CCDC171: variants seen among roughly 807,000 people sequenced by gnomAD.
CCDC171 encodes coiled-coil domain-containing protein 171.
CCDC171 carries 177 observed loss-of-function variants against 168.2 expected under a neutral mutation model. The ratio of observed to expected loss-of-function variants is 1.05; its 90% confidence interval spans 0.93 to 1.19. The LOEUF (loss-of-function observed/expected upper bound fraction) is 1.19, where lower values mean the gene tolerates loss of function less well. Among genes scored for constraint, CCDC171 ranks in the 50% most tolerant of loss-of-function variants. CCDC171 has a pLI of 0.00. For synonymous variants in CCDC171, 687 were observed against 540.8 expected, an observed-to-expected ratio of 1.27 and a Z score of -3.75; for missense variants, 1,991 against 1,539.0, an observed-to-expected ratio of 1.29 and a Z score of -4.91.
At chr9:15,648,760 A>G (rs574486007) in intron 7 of CCDC171, among the ~76,000 whole-genome samples, 2 of 152,302 alleles carry the variant, frequency 1.3e-5, no homozygotes, top group South Asian at 2.1e-4. Flanking sequence ...ATACAAACAA[A>G]TGGAAGAACC....
chr9:16,055,189 G>A (rs1343218090), intron 1 of CCDC171, among the ~76,000 whole-genome samples: 3 of 152,222 alleles, frequency 2.0e-5, no homozygotes, highest in African/African-American at 7.2e-5. Context: ...AACTGTAGTA[G>A]GGGCAGAGAT....
In CCDC171 at chr9:15,814,837, A is replaced by C. The variant is rs73644948; in HGVS notation, c.3267+30143A>C. On this transcript the variant is annotated intron_variant, in intron 21 of 25. Transcript: ENST00000380701. ...CATATTTGAGCCTCTACTATGTAAA[A>C]AGTGTAGTACTTGTCTTCATGAATA... Among the ~76,000 whole-genome samples the C allele has an allele frequency of 9.7e-3, 1,472 of 152,266 alleles. 22 individuals are homozygous for C. Among genetic ancestry groups the C allele is most frequent in the African/African-American group, 0.033 (1,367 of 41,554 alleles).
intron 6 of CCDC171, among the ~76,000 whole-genome samples, chr9:15,596,779 A>T (rs995716257): frequency 6.6e-6 from 1 of 152,098 alleles, no homozygotes; most frequent in Non-Finnish European, 1.5e-5. Flanking sequence ...ACCCATGAGC[A>T]TGGAATGTTC....
At chr9:15,887,152 T>C (rs968052560) in intron 24 of CCDC171, among the ~76,000 whole-genome samples, 1 of 152,148 alleles carries the variant, frequency 6.6e-6, no homozygotes, top group African/African-American at 2.4e-5. Flanking sequence ...TGTGAGGTGA[T>C]AGATATGTTA....
chr9:15,590,511 T>C (rs898460736), intron 4 of CCDC171, among the ~76,000 whole-genome samples: 1 of 152,120 alleles, frequency 6.6e-6, no homozygotes. Context: ...GCAGCAGTGT[T>C]AGTGTGTTGA....
rs1252476265 is a variant in CCDC171, at chr9:15,916,343, A to T, written c.3601-3927A>T. The stretch of plus-strand genomic sequence containing the variant: ...TTATAAGGTATGAATTTTTATCCTG[A>T]TTTTGTGAGAATGTATTACATTTCA... On this transcript the variant is annotated intron_variant, in intron 24 of 25. Coordinates refer to ENST00000380701, the MANE Select transcript of CCDC171 (RefSeq NM_173550.4). Among the ~76,000 whole-genome samples, 6 of 152,022 alleles carry T rather than the reference A, an allele frequency of 3.9e-5. No homozygotes were observed. In the East Asian group the frequency reaches 1.2e-3, roughly 29 times the overall value.
intron 24 of CCDC171, among the ~76,000 whole-genome samples, chr9:15,893,723 C>A (rs946397655): frequency 2.6e-5 from 4 of 152,144 alleles, no homozygotes; most frequent in Non-Finnish European, 5.9e-5. Context: ...ACTAAAACCA[C>A]AATGAGATGC....
chr9:15,815,194 C>T (rs904173148), intron 21 of CCDC171, among the ~76,000 whole-genome samples: 8 of 152,134 alleles, frequency 5.3e-5, no homozygotes, highest in Non-Finnish European at 8.8e-5. Flanking sequence ...AGCAGCCTCA[C>T]AGGGGTCTCA....
At chr9:15,763,607 G>A (rs1419453086) in intron 18 of CCDC171, among the ~76,000 whole-genome samples, 1 of 152,174 alleles carries the variant, frequency 6.6e-6, no homozygotes, top group African/African-American at 2.4e-5. Context: ...TATCTCCCAG[G>A]AGCTGGGAAA....
chr9:15,845,397 C>T (rs1338841810), intron 21 of CCDC171, among the ~76,000 whole-genome samples: 3 of 151,848 alleles, frequency 2.0e-5, no homozygotes, highest in East Asian at 1.9e-4. Context: ...GACGGTAACT[C>T]GACTATTTGA....
chr9:15,913,824 T>C (rs1824073475), intron 24 of CCDC171, among the ~76,000 whole-genome samples: 1 of 152,216 alleles, frequency 6.6e-6, no homozygotes. Flanking sequence ...GATGGAGTTT[T>C]TGCATGCTTG....
chr9:16,025,910 C>T (rs76283715), intron 6 of CCDC171, among the ~76,000 whole-genome samples: 91 of 152,178 alleles, frequency 6.0e-4, no homozygotes, highest in African/African-American at 1.8e-3. Flanking sequence ...CCACTAATTG[C>T]GCATGCTGAA....
chr9:15,925,198 C>T (rs76135779), intron 25 of CCDC171, among the ~76,000 whole-genome samples: 82 of 151,444 alleles, frequency 5.4e-4, no homozygotes, highest in Non-Finnish European at 7.7e-4. Context: ...AGAACTTGAC[C>T]GATTATGAGT....
intron 24 of CCDC171, among the ~76,000 whole-genome samples, chr9:15,899,984 TTA>T (rs1821406856): frequency 6.6e-6 from 1 of 152,206 alleles, no homozygotes; most frequent in Non-Finnish European, 1.5e-5. Flanking sequence ...TTTCATAGCT[TTA>T]TGTTTTATAT....
At position 15,809,609 on chromosome 9, in the gene CCDC171, TGGAGTTGTTCATTCTTCCTGTCC is replaced by T. The variant is rs550901958; in HGVS notation, c.3267+24930_3267+24952del. Among the ~76,000 whole-genome samples, 1,505 of 152,186 alleles carry T rather than the reference TGGAGTTGTTCATTCTTCCTGTCC, an allele frequency of 9.9e-3. 25 individuals are homozygous for T. The highest frequency in any genetic ancestry group is 0.035 in the African/African-American group (1,440 of 41,510). On this transcript the variant is annotated intron_variant, in intron 21 of 25. Transcript: ENST00000380701. ...GTTACAGCTCTTAAGGCGGCACGTCTGGAGTTGTTCATTCTTCCTGTCCGGAGTTGTTCATTCCTCCTGGTGGC... is the reference window on the plus strand; with the variant it reads ...GTTACAGCTCTTAAGGCGGCACGTCTGGAGTTGTTCATTCCTCCTGGTGGC...
At chr9:15,778,796 A>G (rs1291428917) in intron 19 of CCDC171, among the ~76,000 whole-genome samples, 172 bp from the exon 20 acceptor site, 1 of 152,152 alleles carries the variant, frequency 6.6e-6, no homozygotes, top group Non-Finnish European at 1.5e-5. Context: ...TTCATTTTTC[A>G]TAAGCCAAAT....
chr9:15,889,849 T>C (rs1301306516), intron 24 of CCDC171, among the ~76,000 whole-genome samples: 4 of 152,186 alleles, frequency 2.6e-5, no homozygotes, highest in Non-Finnish European at 5.9e-5. Context: ...TTACTCTAGA[T>C]AGAGAGAGGA....
chr9:15,605,244 A>T lies in CCDC171; in HGVS notation c.675+11072A>T, dbSNP rs577582905. 1.8e-4 allele frequency among the ~76,000 whole-genome samples: 28 copies of T among 152,234 alleles called. No homozygotes were observed. In the South Asian group the frequency reaches 3.5e-3, roughly 19 times the overall value. On this transcript the variant is annotated intron_variant, in intron 6 of 25. Coordinates refer to ENST00000380701, the MANE Select transcript of CCDC171 (RefSeq NM_173550.4). ...ATTAACATATGTTGACATGTATGAC[A>T]GGTAAACACCTTAAGGAAGTTTACC...
chr9:16,027,528 A>G (rs899572298), intron 6 of CCDC171, among the ~76,000 whole-genome samples: 3 of 152,220 alleles, frequency 2.0e-5, no homozygotes, highest in Non-Finnish European at 4.4e-5. Flanking sequence ...GCGAGGAAGG[A>G]AAGAGAGTTA....
Sources: allele counts gnomAD v4.1 joint callset (sites outside exome capture counted in the v4.1 genomes callset), GRCh38; gene constraint gnomAD v4.1.1; transcripts MANE v1.5; gene names NCBI Gene and HGNC (gene_info 2026-07-23, HGNC 2026-07-21).